Variants in KALRN observed in about 807,000 individuals in gnomAD.
The protein encoded by KALRN is kalirin.
KALRN carries 70 observed loss-of-function variants against 353.7 expected under a neutral mutation model. The observed-to-expected ratio is 0.20, with a 90% confidence interval of 0.16 to 0.24. The LOEUF is 0.24. Among genes scored for constraint, KALRN ranks in the 10% least tolerant of loss-of-function variants. The probability of loss-of-function intolerance (pLI) is 1.00; values close to 1 mark genes in which losing one functional copy is unlikely to be tolerated. For synonymous variants in KALRN, 1,391 were observed against 1,434.8 expected, an observed-to-expected ratio of 0.97 and a Z score of 0.69; for missense variants, 2,791 against 3,756.7, an observed-to-expected ratio of 0.74 and a Z score of 6.72.
chr3:124,648,483 T>C (rs2083025295), intron 37 of KALRN, among the ~76,000 whole-genome samples: 1 of 152,072 alleles, frequency 6.6e-6, no homozygotes, highest in Non-Finnish European at 1.5e-5. Context: ...TGGGCAGAGG[T>C]GTCTCCCTGG....
At chr3:124,565,523 A>G (rs1025779377) in intron 34 of KALRN, among the ~76,000 whole-genome samples, 1 of 152,242 alleles carries the variant, frequency 6.6e-6, no homozygotes, top group Non-Finnish European at 1.5e-5. Context: ...TTTGCCATAG[A>G]TTATCCAGCA....
intron 1 of KALRN, among the ~76,000 whole-genome samples, chr3:124,177,794 T>C (rs1469797626): frequency 6.6e-6 from 1 of 152,146 alleles, no homozygotes; most frequent in Non-Finnish European, 1.5e-5. Flanking sequence ...GATCGCTGTA[T>C]TTTAGTGGCC....
intron 11 of KALRN, among the ~76,000 whole-genome samples, chr3:124,389,854 A>T (rs1202901428): frequency 6.6e-6 from 1 of 152,192 alleles, no homozygotes; most frequent in Non-Finnish European, 1.5e-5. Context: ...TTGTTTTGCA[A>T]GATTTCTTCA....
At chr3:124,668,043 GACACAC>G (rs55672121) in intron 47 of KALRN, among the ~76,000 whole-genome samples, 14,048 of 138,208 alleles carry the variant, frequency 0.1, 736 homozygotes, top group Middle Eastern at 0.18. Flanking sequence ...TGTATATCGA[GACACAC>G]ACACACACAC....
chr3:124,629,855 C>A (rs1290483064), intron 34 of KALRN, among the ~76,000 whole-genome samples: 1 of 151,168 alleles, frequency 6.6e-6, no homozygotes, highest in East Asian at 1.9e-4. Context: ...GTATGGATAT[C>A]TATGTATAGC....
intron 10 of KALRN, among the ~76,000 whole-genome samples, chr3:124,361,845 T>C (rs1344787062): frequency 1.4e-5 from 2 of 141,104 alleles, no homozygotes; most frequent in Non-Finnish European, 3.1e-5. Context: ...GCAGTGGGGG[T>C]GGGGAGTAGT....
chr3:124,563,079 C>T lies in KALRN; in HGVS notation c.5172C>T (p.Pro1724=), dbSNP rs1248667922. Residue 1724 remains proline, a synonymous_variant, in exon 34 of 60, where the codon CCC becomes CCT. Transcript: ENST00000682506. ...RSSVEMDCFF[P]LVKDAYSHSS... Reference sequence around the variant, plus strand: ...GCGTGGAGATGGACTGCTTCTTCCCCTTGGTGAAAGGTAGGAGAACAGAGC... The same window carrying T: ...GCGTGGAGATGGACTGCTTCTTCCCTTTGGTGAAAGGTAGGAGAACAGAGC... The T allele has an allele frequency of 2.9e-6, 4 of 1,367,424 alleles. No individual in the cohort carries two copies. The Admixed American group carries it at 7.6e-5, about 26-fold the overall frequency. 84.7% of individuals were successfully genotyped at this position (1,367,424 alleles called of 1,614,324 possible).
chr3:124,629,025 G>A (rs116058406), intron 34 of KALRN, among the ~76,000 whole-genome samples: 6 of 152,132 alleles, frequency 3.9e-5, no homozygotes, highest in Non-Finnish European at 5.9e-5. Flanking sequence ...CTCAGTCTTC[G>A]AGTAGGTATG....
chr3:124,149,444 C>G (rs1045028645), intron 1 of KALRN, among the ~76,000 whole-genome samples: 1 of 152,220 alleles, frequency 6.6e-6, no homozygotes, highest in Admixed American at 6.5e-5. Flanking sequence ...GACTGTGGCA[C>G]AGCTTCCAGC....
At chr3:124,403,344 TG>T (rs1408776738) in intron 13 of KALRN, among the ~76,000 whole-genome samples, 1 of 152,228 alleles carries the variant, frequency 6.6e-6, no homozygotes, top group Non-Finnish European at 1.5e-5. Context: ...TTGGATAATT[TG>T]GGGCATTTTC....
chr3:124,107,096 A>C (rs927893679), intron 1 of KALRN, among the ~76,000 whole-genome samples: 1 of 152,196 alleles, frequency 6.6e-6, no homozygotes, highest in Non-Finnish European at 1.5e-5. Context: ...AACCCAGGAT[A>C]GGAGGAATAA....
At chr3:124,679,106 T>A (rs2087514826) in intron 50 of KALRN, among the ~76,000 whole-genome samples, 1 of 152,124 alleles carries the variant, frequency 6.6e-6, no homozygotes, top group Non-Finnish European at 1.5e-5. Context: ...TAAAACCCAG[T>A]CTAAGAGATT....
chr3:124,370,918 G>T (rs2085749325), intron 10 of KALRN, among the ~76,000 whole-genome samples: 2 of 152,170 alleles, frequency 1.3e-5, no homozygotes, highest in African/African-American at 4.8e-5. Flanking sequence ...TGGATGGTCT[G>T]CTGCTGCGGG....
chr3:124,119,939 T>G (rs1485952643), intron 1 of KALRN, among the ~76,000 whole-genome samples: 1 of 152,156 alleles, frequency 6.6e-6, no homozygotes, highest in African/African-American at 2.4e-5. Flanking sequence ...GCTTTACCAA[T>G]GCTAATGGTG....
At chr3:124,217,719 G>A (rs959195997) in intron 1 of KALRN, among the ~76,000 whole-genome samples, 4 of 152,078 alleles carry the variant, frequency 2.6e-5, no homozygotes, top group Non-Finnish European at 5.9e-5. Flanking sequence ...ACTAGTTCAG[G>A]ACCAAGGACA....
rs1553951643 is a variant in KALRN, at chr3:124,404,168, A to AG, written c.2346+5297_2346+5298insG. ...CTGCTCTCTGGAAAAAAAAAAAAAA[A>AG]AGAGAGAACTAGTCTGCTCCCTCTT... is the stretch of plus-strand genomic sequence containing the variant. On this transcript the variant is annotated intron_variant, in intron 13 of 59. Coordinates refer to ENST00000682506, the MANE Select transcript of KALRN (RefSeq NM_001388419.1). Among the ~76,000 whole-genome samples, 36 of 149,016 alleles carry AG rather than the reference A, an allele frequency of 2.4e-4. 1 individual carries two copies. The highest frequency in any genetic ancestry group is 1.4e-3 in the East Asian group (7 of 5,160).
chr3:124,514,542 C>A (rs556597411), intron 33 of KALRN, among the ~76,000 whole-genome samples: 1 of 152,240 alleles, frequency 6.6e-6, no homozygotes, highest in Admixed American at 6.5e-5. Context: ...CATGTACTCT[C>A]TCCTGTCATT....
rs2061404306 is a variant in KALRN, at chr3:124,682,907, C to A, written c.7377+3390C>A. 2.0e-5 allele frequency among the ~76,000 whole-genome samples: 3 copies of A among 152,132 alleles called. No homozygotes were observed. In the South Asian group the frequency reaches 6.2e-4, roughly 32 times the overall value. On this transcript the variant is annotated intron_variant, in intron 51 of 59. Transcript: ENST00000682506. Reference sequence around the variant, plus strand: ...CTACTCCCAGCAGTACATGCCACACCAATGCCACTGCAAGATTGGCTCTAG... The same window carrying A: ...CTACTCCCAGCAGTACATGCCACACAAATGCCACTGCAAGATTGGCTCTAG...
intron 34 of KALRN, among the ~76,000 whole-genome samples, chr3:124,611,092 G>A (rs1399447484): frequency 2.0e-5 from 3 of 152,172 alleles, no homozygotes; most frequent in Non-Finnish European, 2.9e-5. Flanking sequence ...CAGGGCTAGG[G>A]AATCAGAGTG....
Sources: gnomAD v4.1 joint callset for allele counts (sites outside exome capture counted in the v4.1 genomes callset) on GRCh38, gnomAD v4.1.1 for gene constraint, MANE v1.5 for transcripts, NCBI Gene and HGNC (gene_info 2026-07-23, HGNC 2026-07-21) for gene names.